NMI: variants seen among roughly 807,000 people sequenced by gnomAD.
NMI encodes the protein N-myc and STAT interactor, also known as N-myc-interactor.
NMI carries 39 observed loss-of-function variants against 34.3 expected under a neutral mutation model. The ratio of observed to expected loss-of-function variants is 1.14; its 90% confidence interval spans 0.88 to 1.49. NMI has a LOEUF of 1.49. NMI is among the 40% of genes most tolerant of loss of function. The probability of loss-of-function intolerance (pLI) is 0.00; values close to 1 mark genes in which losing one functional copy is unlikely to be tolerated. For synonymous variants in NMI, 113 were observed against 120.3 expected, an observed-to-expected ratio of 0.94 and a Z score of 0.40; for missense variants, 339 against 358.1, an observed-to-expected ratio of 0.95 and a Z score of 0.43.
At chr2:151,273,373 C>T (rs971594732) in intron 6 of NMI, among the ~76,000 whole-genome samples, 2 of 152,178 alleles carry the variant, frequency 1.3e-5, no homozygotes, top group African/African-American at 4.8e-5. Context: ...TGCTGGATAA[C>T]CTATAACCTG....
At chr2:151,279,870 T>C (rs998343382) in intron 3 of NMI, among the ~76,000 whole-genome samples, 1 of 152,058 alleles carries the variant, frequency 6.6e-6, no homozygotes, top group African/African-American at 2.4e-5. Flanking sequence ...AACTTAGGTT[T>C]ATAAAAAATG....
chr2:151,272,581 C>T lies in NMI; in HGVS notation c.635-849G>A, dbSNP rs554246744. ...GCAATTCAACTTCTGGGTATATACC[C>T]GAAACAACTGAAAGCAGGGACTCGG... On this transcript the variant is annotated intron_variant, in intron 6 of 7. Coordinates refer to ENST00000243346, the MANE Select transcript of NMI (RefSeq NM_004688.3). 9.0e-4 allele frequency among the ~76,000 whole-genome samples: 137 copies of T among 152,182 alleles called. 2 individuals carry two copies. In the South Asian group the frequency reaches 0.025, roughly 27 times the overall value.
chr2:151,286,226 C>T (rs1447839013), intron 1 of NMI, among the ~76,000 whole-genome samples: 1 of 152,088 alleles, frequency 6.6e-6, no homozygotes, highest in Non-Finnish European at 1.5e-5. Flanking sequence ...ACTTCGACGA[C>T]AGTCCTGCCA....
chr2:151,275,467 T>C lies in NMI; in HGVS notation c.634+17A>G. 1 of 1,609,504 alleles carries C rather than the reference T, an allele frequency of 6.2e-7. No homozygotes were observed. The highest frequency in any genetic ancestry group is 1.3e-5 in the African/African-American group (1 of 74,918). Reference sequence around the variant, plus strand: ...GAAATGGCAGAGTGTCTGTTAACCTTCTACACCCTTGAGTACCTCCAATCT... The same window carrying C: ...GAAATGGCAGAGTGTCTGTTAACCTCCTACACCCTTGAGTACCTCCAATCT... On this transcript the variant is annotated intron_variant, in intron 6 of 7. Coordinates refer to ENST00000243346, the MANE Select transcript of NMI (RefSeq NM_004688.3).
chr2:151,287,597 A>G, intron 1 of NMI, among the ~76,000 whole-genome samples: 1 of 152,060 alleles, frequency 6.6e-6, no homozygotes, highest in Non-Finnish European at 1.5e-5. Flanking sequence ...CTGTTCTTCA[A>G]GGTCCATTCC....
intron 4 of NMI, 104 bp from the exon 5 acceptor site, chr2:151,275,968 A>G: frequency 1.3e-6 from 1 of 776,076 alleles, no homozygotes; most frequent in South Asian, 2.0e-5. Context: ...ATTTTCTTTA[A>G]TATTAAAGGG....
intron 4 of NMI, among the ~76,000 whole-genome samples, chr2:151,276,952 G>A (rs1001407843): frequency 8.5e-5 from 13 of 152,172 alleles, no homozygotes; most frequent in African/African-American, 2.9e-4. Context: ...CACTCCAAAA[G>A]GCAACTCTAT....
intron 1 of NMI, among the ~76,000 whole-genome samples, chr2:151,286,000 T>C (rs373822873): frequency 6.6e-6 from 1 of 152,288 alleles, no homozygotes; most frequent in African/African-American, 2.4e-5. Flanking sequence ...AGTAAAAAAC[T>C]GAGTCCAGAT....
intron 3 of NMI, among the ~76,000 whole-genome samples, chr2:151,280,195 CAA>C (rs10645520): frequency 7.3e-6 from 1 of 136,358 alleles, no homozygotes; most frequent in Non-Finnish European, 1.6e-5. Flanking sequence ...AACTCTGTTT[CAA>C]AAAAAAAAAT....
At position 151,275,806 on chromosome 2, in the gene NMI, C is replaced by T; in HGVS notation, c.399G>A (p.Leu133=). ...ATGGAACTGGCTTGGCCGTAACCTC[C>T]AGATTTACATCTTTTATCTGTACAT... The part of the protein sequence containing the change: ...KHHVQIKDVN[L]EVTAKPVPLN... Residue 133 remains leucine (L), a synonymous_variant, in exon 5 of 8, where the codon CTG becomes CTA. Transcript: ENST00000243346. 1.2e-6 allele frequency: 2 copies of T among 1,613,614 alleles called. No homozygotes were observed. The highest frequency in any genetic ancestry group is 1.7e-6 in the Non-Finnish European group (2 of 1,179,804).
chr2:151,288,682 G>A (rs1227753074), intron 1 of NMI, among the ~76,000 whole-genome samples: 2 of 152,116 alleles, frequency 1.3e-5, no homozygotes, highest in Non-Finnish European at 2.9e-5. Context: ...CAACATCACC[G>A]TATTTCCGTA....
At chr2:151,286,689 A>G (rs1221603617) in intron 1 of NMI, among the ~76,000 whole-genome samples, 1 of 152,232 alleles carries the variant, frequency 6.6e-6, no homozygotes. Flanking sequence ...AAGTCTGTCA[A>G]CAAACCTGGG....
rs150032797 is a variant in NMI at position 151,283,964 on chromosome 2, T to C, written c.-6-1010A>G. ...TTAACATTGCTTCTACATTAGTTAC[T>C]AACCTCACCACTAGGTCTTGTAATA... On this transcript the variant is annotated intron_variant, in intron 1 of 7. Coordinates refer to ENST00000243346, the MANE Select transcript of NMI (RefSeq NM_004688.3). 3.2e-3 allele frequency among the ~76,000 whole-genome samples: 489 copies of C among 152,368 alleles called. 1 individual carries two copies. The highest frequency in any genetic ancestry group is 3.7e-3 in the Non-Finnish European group (253 of 68,038).
chr2:151,278,764 TA>T, intron 4 of NMI, 63 bp downstream of exon 4: 1 of 1,238,360 alleles, frequency 8.1e-7, no homozygotes, highest in Non-Finnish European at 1.2e-6. Context: ...AGCGAAGTAA[TA>T]GCTAAATGTC....
chr2:151,278,760 G>C, intron 4 of NMI, 68 bp downstream of exon 4: 1 of 1,186,378 alleles, frequency 8.4e-7, no homozygotes, highest in Middle Eastern at 2.2e-4. Flanking sequence ...TATTAGCGAA[G>C]TAATAGCTAA....
intron 1 of NMI, among the ~76,000 whole-genome samples, chr2:151,288,586 TGCGC>T (rs34660876): frequency 6.7e-6 from 1 of 148,156 alleles, no homozygotes; most frequent in African/African-American, 2.6e-5. Flanking sequence ...TGTGTGTGTG[TGCGC>T]GCGCGCGCGC....
intron 7 of NMI, 48 bp downstream of exon 7, chr2:151,271,578 G>C: frequency 2.2e-6 from 2 of 907,936 alleles, no homozygotes; most frequent in Non-Finnish European, 3.6e-6. Context: ...TTTGTGGGGT[G>C]GGTTTGGGCA....
chr2:151,277,468 C>A (rs1035246515), intron 4 of NMI: 1 of 152,178 alleles, frequency 6.6e-6, no homozygotes, highest in African/African-American at 2.4e-5. Context: ...CTACTGCTGT[C>A]CCAGGAGATT....
In NMI at chr2:151,279,006, A is replaced by ATGTTTGAT. The variant is rs1683339640; in HGVS notation, c.178-24_178-17dup. ...CCTCTTTAATCTAATCCAAATGAAA[A>ATGTTTGAT]TGTTTGATTAAAATCAAGACGAGAA... On this transcript the variant is annotated splice_polypyrimidine_tract_variant and intron_variant, in intron 3 of 7. Coordinates refer to ENST00000243346, the MANE Select transcript of NMI (RefSeq NM_004688.3). The ATGTTTGAT allele has an allele frequency of 6.5e-7, 1 of 1,530,512 alleles. No homozygotes were observed. Among genetic ancestry groups the ATGTTTGAT allele is most frequent in the South Asian group, 1.2e-5 (1 of 85,914 alleles). 94.8% of individuals were successfully genotyped at this position (1,530,512 alleles called of 1,614,324 possible).
Sources: gnomAD v4.1 joint callset for allele counts (sites outside exome capture counted in the v4.1 genomes callset) on GRCh38, gnomAD v4.1.1 for gene constraint, MANE v1.5 for transcripts, NCBI Gene and HGNC (gene_info 2026-07-23, HGNC 2026-07-21) for gene names.